The following ELAPOR2 variants were observed in gnomAD, a reference collection of about 807,000 sequenced individuals.
ELAPOR2 encodes the protein endosome/lysosome-associated apoptosis and autophagy regulator family member 2.
A neutral mutation model predicts 120.7 loss-of-function variants in ELAPOR2; 89 were observed. The observed-to-expected ratio is 0.74, with a 90% CI of 0.62 to 0.88. ELAPOR2 has a LOEUF of 0.88. ELAPOR2 is among the 40% of genes least tolerant of loss of function. The pLI is 0.00. For missense variants in ELAPOR2, 1,134 were observed against 1,251.6 expected, an observed-to-expected ratio of 0.91 and a Z score of 1.42; for synonymous variants, 444 against 444.9, an observed-to-expected ratio of 1.00 and a Z score of 0.03.
intron 1 of ELAPOR2, among the ~76,000 whole-genome samples, chr7:86,976,976 C>T (rs1361845690): frequency 6.6e-6 from 1 of 152,170 alleles, no homozygotes; most frequent in Non-Finnish European, 1.5e-5. Context: ...TGTTTTCAAG[C>T]TTAAACTGTG....
rs1789343279 is a variant in ELAPOR2, at chr7:86,912,156, C to T, written c.2085G>A (p.Val695=). ...LHYDFSNLSS[V]GSLMNGPSFT... ...AGCTGGGGCCATTCATTAATGAGCC[C>T]ACACTGCTGAGGTTGCTAAAGTCAT... Residue 695 remains valine, a synonymous_variant, in exon 15 of 22, where the codon GTG becomes GTA. Coordinates refer to ENST00000450689, the MANE Select transcript of ELAPOR2 (RefSeq NM_001142749.3). 7.4e-6 allele frequency: 12 copies of T among 1,613,030 alleles called. No homozygotes were observed. The highest frequency in any genetic ancestry group is 8.5e-6 in the Non-Finnish European group (10 of 1,179,134).
intron 1 of ELAPOR2, among the ~76,000 whole-genome samples, chr7:86,970,294 C>G (rs1404498356): frequency 6.6e-6 from 1 of 152,116 alleles, no homozygotes; most frequent in Non-Finnish European, 1.5e-5. Flanking sequence ...ATGCTGGTAC[C>G]TAGAACACAC....
intron 21 of ELAPOR2, among the ~76,000 whole-genome samples, chr7:86,885,051 C>T (rs1284862376): frequency 6.6e-6 from 1 of 152,060 alleles, no homozygotes; most frequent in Non-Finnish European, 1.5e-5. Context: ...GGAAGAAGTT[C>T]ACTAGAGAAT....
At chr7:86,926,709 C>G (rs1050015147) in intron 9 of ELAPOR2, 27 bp downstream of exon 9, 2 of 1,568,366 alleles carry the variant, frequency 1.3e-6, no homozygotes, top group African/African-American at 1.4e-5. Flanking sequence ...GCTAAAGGCC[C>G]AGTTATTGGA....
intron 1 of ELAPOR2, chr7:86,965,847 T>C: frequency 1.0e-6 from 1 of 985,430 alleles, no homozygotes. Context: ...GTGGTTATTC[T>C]GCTGCATCCA....
At chr7:87,053,591 C>T (rs1054654739) in intron 1 of ELAPOR2, among the ~76,000 whole-genome samples, 1 of 152,096 alleles carries the variant, frequency 6.6e-6, no homozygotes, top group African/African-American at 2.4e-5. Flanking sequence ...TTGGAGAGAG[C>T]ACAACTCATT....
At position 86,912,922 on chromosome 7, in the gene ELAPOR2, G is replaced by T. The variant is rs1342541636; in HGVS notation, c.1995+19C>A. ...AAAATGTGCTTTCATGGGGATACCT[G>T]AAATGCAGACCCACTTACCTGATTG... is the stretch of plus-strand genomic sequence containing the variant. On this transcript the variant is annotated intron_variant, in intron 14 of 21. Coordinates refer to ENST00000450689, the MANE Select transcript of ELAPOR2 (RefSeq NM_001142749.3). The T allele has an allele frequency of 6.2e-7, 1 of 1,610,374 alleles. No homozygotes were observed. The highest frequency in any genetic ancestry group is 8.5e-7 in the Non-Finnish European group (1 of 1,177,110).
intron 1 of ELAPOR2, among the ~76,000 whole-genome samples, chr7:87,037,815 T>TGACTGAG (rs1269138896): frequency 3.9e-5 from 6 of 152,362 alleles, no homozygotes; most frequent in Non-Finnish European, 7.3e-5. Flanking sequence ...TTATTTTCTT[T>TGACTGAG]GACTGAGATG....
intron 14 of ELAPOR2, 27 bp downstream of exon 14, chr7:86,912,914 G>A (rs774971147): frequency 6.2e-7 from 1 of 1,607,986 alleles, no homozygotes; most frequent in African/African-American, 1.3e-5. Flanking sequence ...GCTTTCATGG[G>A]GATACCTGAA....
At chr7:86,897,719 A>G in intron 18 of ELAPOR2, 87 bp from the exon 19 acceptor site, 1 of 1,463,554 alleles carries the variant, frequency 6.8e-7, no homozygotes, top group East Asian at 2.3e-5. Flanking sequence ...AATACCTATC[A>G]CATGCTGGGG....
chr7:86,926,774 T>C lies in ELAPOR2; in HGVS notation c.1232A>G (p.His411Arg). Reference sequence around the variant, plus strand: ...TGAAAATGTTCCAGGAGGACAGGGATGGCAAGAAGATGATCCATTGTTATA... The same window carrying C: ...TGAAAATGTTCCAGGAGGACAGGGACGGCAAGAAGATGATCCATTGTTATA... ...GFYNNGSSSC[H>R]PCPPGTFSDG... The change falls in exon 9 of 22, where the codon CAT becomes CGT. Residue 411 changes from histidine to arginine, a missense_variant. Around this residue, in one of 3 missense-constraint regions of ELAPOR2, gnomAD observed 831 missense variants for 867.6 expected, o/e 0.96. Coordinates refer to ENST00000450689, the MANE Select transcript of ELAPOR2 (RefSeq NM_001142749.3). 6.2e-7 allele frequency: 1 copy of C among 1,611,786 alleles called. No individual in the cohort carries two copies.
At chr7:86,949,578 G>A (rs561881134) in intron 2 of ELAPOR2, among the ~76,000 whole-genome samples, 16 of 152,276 alleles carry the variant, frequency 1.1e-4, no homozygotes, top group African/African-American at 3.6e-4. Context: ...CATGGCTGTG[G>A]ACCAGGGCAT....
At position 86,877,419 on chromosome 7, in the gene ELAPOR2, A is replaced by C. The variant is rs1799209493; in HGVS notation, c.*3052T>G. 1.3e-5 allele frequency: 2 copies of C among 152,172 alleles called. No individual in the cohort carries two copies. The highest frequency in any genetic ancestry group is 2.9e-5 in the Non-Finnish European group (2 of 68,032). The allele number at this position is 152,172 out of a possible 1,614,324, so 9.4% of individuals were successfully genotyped here. A position where few individuals can be genotyped will look rare whatever the true frequency, so the allele number is the denominator to read the frequency against. ...TGCAATCATATTCATGATTACTATA[A>C]ATAGATATGAGGGAGGTTTAGTTTC... On this transcript the variant is annotated 3_prime_UTR_variant, in exon 22 of 22. Coordinates refer to ENST00000450689, the MANE Select transcript of ELAPOR2 (RefSeq NM_001142749.3).
chr7:86,916,352 T>TA (rs1789568436), intron 12 of ELAPOR2, among the ~76,000 whole-genome samples: 1 of 152,132 alleles, frequency 6.6e-6, no homozygotes, highest in South Asian at 2.1e-4. Context: ...TGATTGGAGT[T>TA]CATCAGACAA....
chr7:86,940,645 T>C (rs916119192), intron 5 of ELAPOR2, among the ~76,000 whole-genome samples: 4 of 152,108 alleles, frequency 2.6e-5, no homozygotes, highest in Admixed American at 1.3e-4. Context: ...TAATACTATA[T>C]GTAGTATTGG....
At chr7:86,944,335 T>C (rs187349397) in intron 4 of ELAPOR2, among the ~76,000 whole-genome samples, 90 of 152,220 alleles carry the variant, frequency 5.9e-4, no homozygotes, top group Non-Finnish European at 5.2e-4. Flanking sequence ...GTTATTTAAT[T>C]TCTTTTCAAA....
At chr7:86,895,902 T>G (rs946453577) in intron 19 of ELAPOR2, among the ~76,000 whole-genome samples, 22 of 152,132 alleles carry the variant, frequency 1.4e-4, no homozygotes, top group Non-Finnish European at 2.6e-4. Flanking sequence ...TAAAGAAGAA[T>G]TTCTATTGTG....
At chr7:86,913,519 A>C (rs1241859913) in intron 13 of ELAPOR2, among the ~76,000 whole-genome samples, 1 of 152,194 alleles carries the variant, frequency 6.6e-6, no homozygotes. Context: ...AGTTTAAGAG[A>C]GGAACAGTTT....
chr7:86,937,527 T>C (rs1790613768), intron 8 of ELAPOR2, among the ~76,000 whole-genome samples: 1 of 152,130 alleles, frequency 6.6e-6, no homozygotes, highest in African/African-American at 2.4e-5. Context: ...GCAGAGCTCA[T>C]GTGTGCATTT....
Sources: allele counts gnomAD v4.1 joint callset (sites outside exome capture counted in the v4.1 genomes callset), GRCh38; gene constraint gnomAD v4.1.1; regional missense constraint gnomAD v4.1.1; transcripts MANE v1.5; gene names NCBI Gene and HGNC (gene_info 2026-07-23, HGNC 2026-07-21).